CCDC158: variants seen among roughly 807,000 people sequenced by gnomAD.
CCDC158 encodes coiled-coil domain-containing protein 158.
Under a neutral mutation model 138.6 loss-of-function variants are expected in CCDC158, and 116 were observed. The ratio of observed to expected loss-of-function variants is 0.84; its 90% CI spans 0.72 to 0.98. The LOEUF is 0.98. CCDC158 is among the 50% of genes least tolerant of loss of function. The pLI is 0.00. For synonymous variants in CCDC158, 436 were observed against 442.4 expected (o/e 0.99, Z 0.18); for missense variants, 1,265 against 1,306.1 (o/e 0.97, Z 0.48).
intron 9 of CCDC158, among the ~76,000 whole-genome samples, chr4:76,376,180 A>C (rs1171519112): frequency 1.3e-5 from 2 of 151,932 alleles, no homozygotes; most frequent in Non-Finnish European, 2.9e-5. Flanking sequence ...TAGCCTTTCT[A>C]GTAGCGAGAA....
At chr4:76,323,505 T>A in intron 23 of CCDC158, 96 bp from the exon 24 acceptor site, 1 of 896,876 alleles carries the variant, frequency 1.1e-6, no homozygotes, top group Non-Finnish European at 1.7e-6. Context: ...TTCTTTAAAA[T>A]AAAGGGAACT....
At chr4:76,413,302 C>T (rs13435671) in intron 1 of CCDC158, among the ~76,000 whole-genome samples, 4,418 of 151,104 alleles carry the variant, frequency 0.029, 213 homozygotes, top group African/African-American at 0.1. Context: ...AGTGAGATCC[C>T]GTCTCTACAA....
intron 21 of CCDC158, among the ~76,000 whole-genome samples, chr4:76,329,966 C>T (rs183017179): frequency 4.6e-5 from 7 of 152,138 alleles, no homozygotes; most frequent in Admixed American, 1.3e-4. Flanking sequence ...TTCTCAATGA[C>T]GTTTTGGAGC....
chr4:76,347,709 T>C (rs1230658952), intron 18 of CCDC158, among the ~76,000 whole-genome samples: 6 of 152,072 alleles, frequency 3.9e-5, no homozygotes, highest in African/African-American at 9.7e-5. Flanking sequence ...AGTATAATTT[T>C]TAAAAATTAA....
intron 9 of CCDC158, among the ~76,000 whole-genome samples, chr4:76,378,829 C>T (rs538206730): frequency 2.9e-4 from 44 of 152,292 alleles, no homozygotes; most frequent in African/African-American, 9.6e-4. Context: ...TGAGAGATGA[C>T]TTATCCTCCT....
At position 76,378,403 on chromosome 4, in the gene CCDC158, C is replaced by T. The variant is rs978419100; in HGVS notation, c.1029+887G>A. Among the ~76,000 whole-genome samples, 11 of 152,190 alleles carry T rather than the reference C, an allele frequency of 7.2e-5. 1 individual carries two copies. The highest frequency in any genetic ancestry group is 2.7e-4 in the African/African-American group (11 of 41,448). On this transcript the variant is annotated intron_variant, in intron 9 of 24. Transcript: ENST00000682701. ...AAATAGCTAAGGTGTGAGAAACTGA[C>T]TACAAGTGACAGAACTGTATGTAAA...
rs781126879 is a variant in CCDC158, at chr4:76,313,195, T to G, written c.3329A>C (p.Asp1110Ala). ...NQEKRIQKVK[D>A]QEKMLLK ...TCATTTTAGTAACATTTTTTCCTGGTCTTTTACTTTCTGTATCCTCTTTTC... is the reference window on the plus strand; with the variant it reads ...TCATTTTAGTAACATTTTTTCCTGGGCTTTTACTTTCTGTATCCTCTTTTC... The change falls in exon 25 of 25, where the codon GAC becomes GCC. Residue 1110 changes from aspartate (D) to alanine (A), a missense_variant. Asp to Ala is a moderately radical substitution (Grantham distance 126). Coordinates refer to ENST00000682701, the MANE Select transcript of CCDC158 (RefSeq NM_001394954.1). 11 of 1,607,964 alleles carry G rather than the reference T, an allele frequency of 6.8e-6. No homozygotes were observed. In the African/African-American group the frequency reaches 1.1e-4, roughly 16 times the overall value.
chr4:76,399,280 G>A (rs778227905), intron 3 of CCDC158, among the ~76,000 whole-genome samples: 105 of 152,138 alleles, frequency 6.9e-4, no homozygotes, highest in Non-Finnish European at 1.1e-3. Flanking sequence ...TAAAAAGCTG[G>A]GAGGGGAACA....
In CCDC158 at chr4:76,372,712, A is replaced by G. The variant is rs114370973; in HGVS notation, c.1030-1176T>C. Among the ~76,000 whole-genome samples, 1,483 of 152,336 alleles carry G rather than the reference A, an allele frequency of 9.7e-3. 20 individuals carry two copies. The highest frequency in any genetic ancestry group is 0.033 in the African/African-American group (1,380 of 41,564). On this transcript the variant is annotated intron_variant, in intron 9 of 24. Coordinates refer to ENST00000682701, the MANE Select transcript of CCDC158 (RefSeq NM_001394954.1). ...TAACCCTCATTTTGTTCAACTATTA[A>G]TATAAAATGGGAATAAAAGTACCAA...
At chr4:76,351,236 AATAT>A in intron 17 of CCDC158, 115 bp from the exon 18 acceptor site, 3 of 956,082 alleles carry the variant, frequency 3.1e-6, no homozygotes, top group South Asian at 1.9e-5. Flanking sequence ...GAGATTTTAA[AATAT>A]GTCTGTAGCT....
At chr4:76,330,972 T>C (rs1024209823) in intron 21 of CCDC158, among the ~76,000 whole-genome samples, 1 of 152,186 alleles carries the variant, frequency 6.6e-6, no homozygotes, top group African/African-American at 2.4e-5. Flanking sequence ...AAATATTTAC[T>C]GAATGGCTAC....
intron 8 of CCDC158, among the ~76,000 whole-genome samples, chr4:76,382,188 CTT>C (rs1726324480): frequency 1.3e-5 from 2 of 152,106 alleles, no homozygotes; most frequent in Admixed American, 1.3e-4. Flanking sequence ...CTCTCTCTCT[CTT>C]GCTTTGCCAT....
intron 4 of CCDC158, among the ~76,000 whole-genome samples, chr4:76,389,129 C>T (rs1450382816): frequency 1.3e-5 from 2 of 151,638 alleles, no homozygotes; most frequent in Non-Finnish European, 2.9e-5. Context: ...TACCAGGGAC[C>T]AATTATGAAA....
At chr4:76,382,039 T>C (rs1475509822) in intron 8 of CCDC158, among the ~76,000 whole-genome samples, 1 of 152,186 alleles carries the variant, frequency 6.6e-6, no homozygotes, top group Non-Finnish European at 1.5e-5. Flanking sequence ...CAAATCTGAA[T>C]TGTAATCACC....
At chr4:76,359,163 C>G (rs936166239) in intron 13 of CCDC158, among the ~76,000 whole-genome samples, 11 of 152,170 alleles carry the variant, frequency 7.2e-5, no homozygotes, top group Middle Eastern at 6.8e-3. Flanking sequence ...CACCTTCCAC[C>G]ATGATTATGT....
chr4:76,372,055 G>A (rs972183535), intron 9 of CCDC158, among the ~76,000 whole-genome samples: 1 of 150,492 alleles, frequency 6.6e-6, no homozygotes, highest in Non-Finnish European at 1.5e-5. Flanking sequence ...ATTTAGTACT[G>A]TTGAATTTGG....
At chr4:76,317,354 C>T (rs1346549558) in intron 24 of CCDC158, among the ~76,000 whole-genome samples, 1 of 152,086 alleles carries the variant, frequency 6.6e-6, no homozygotes, top group Admixed American at 6.5e-5. Context: ...ACAAAACCCA[C>T]TTTAAAGCAA....
At chr4:76,419,629 T>C (rs1053782390) in intron 1 of CCDC158, among the ~76,000 whole-genome samples, 2 of 152,136 alleles carry the variant, frequency 1.3e-5, no homozygotes, top group Non-Finnish European at 2.9e-5. Flanking sequence ...TATCTGCCTC[T>C]GTGGTCACAT....
At chr4:76,326,764 C>T (rs2110089031) in intron 22 of CCDC158, among the ~76,000 whole-genome samples, 1 of 151,978 alleles carries the variant, frequency 6.6e-6, no homozygotes, top group East Asian at 1.9e-4. Context: ...AAAAAAATGC[C>T]AATCTAGAAT....
Sources: gnomAD v4.1 joint callset for allele counts (sites outside exome capture counted in the v4.1 genomes callset) on GRCh38, gnomAD v4.1.1 for gene constraint, MANE v1.5 for transcripts, NCBI Gene and HGNC (gene_info 2026-07-23, HGNC 2026-07-21) for gene names.